Variants in ROR1 observed in about 807,000 individuals in gnomAD.
ROR1 encodes ROR family WNT receptor 1.
ROR1 carries 19 observed loss-of-function variants against 78.8 expected under a neutral mutation model. That is an observed-to-expected ratio of 0.24 (90% CI 0.17 to 0.35). The LOEUF (loss-of-function observed/expected upper bound fraction) is 0.35, where lower values mean the gene tolerates loss of function less well. Ranked by LOEUF, ROR1 falls within the 10% of genes least tolerant of loss-of-function variation. The pLI, the probability that ROR1 is intolerant of heterozygous loss-of-function variation, is 1.00. For missense variants in ROR1, 917 were observed against 1,177.8 expected, an observed-to-expected ratio of 0.78 and a Z score of 3.24; for synonymous variants, 386 against 433.6, an observed-to-expected ratio of 0.89 and a Z score of 1.36.
intron 4 of ROR1, among the ~76,000 whole-genome samples, chr1:64,094,019 C>T (rs1647233224): frequency 6.6e-6 from 1 of 152,160 alleles, no homozygotes; most frequent in South Asian, 2.1e-4. Context: ...CTAGGCCTAT[C>T]AAATTTCAAA....
intron 4 of ROR1, among the ~76,000 whole-genome samples, chr1:64,115,985 G>A (rs556209761): frequency 7.9e-5 from 12 of 152,234 alleles, no homozygotes; most frequent in South Asian, 2.1e-4. Flanking sequence ...ATAAAGTGCC[G>A]GATCATGAAA....
At chr1:64,135,628 G>A (rs984427459) in intron 4 of ROR1, among the ~76,000 whole-genome samples, 9 of 152,142 alleles carry the variant, frequency 5.9e-5, no homozygotes, top group Admixed American at 2.0e-4. Flanking sequence ...CCCAATAAAA[G>A]TTGGGTTAAT....
At position 64,007,377 on chromosome 1, in the gene ROR1, AGTGTGTGTGTGTGTGT is replaced by A. The variant is rs59753220; in HGVS notation, c.92-1911_92-1896del. On this transcript the variant is annotated intron_variant, in intron 1 of 8. Coordinates refer to ENST00000371079, the MANE Select transcript of ROR1 (RefSeq NM_005012.4). ...CCTAATATTCTCTAGTAATGTTCTG[AGTGTGTGTGTGTGTGT>A]GTGTGTGTGTGTGTGTAGACATAGC... Among the ~76,000 whole-genome samples, 47 of 146,026 alleles carry A rather than the reference AGTGTGTGTGTGTGTGT, an allele frequency of 3.2e-4. No homozygotes were observed. The East Asian group carries it at 9.1e-3, about 28-fold the overall frequency.
chr1:64,042,900 T>G (rs756847399), intron 2 of ROR1, among the ~76,000 whole-genome samples: 61 of 152,368 alleles, frequency 4.0e-4, no homozygotes, highest in African/African-American at 1.4e-3. Context: ...ATGACCTAAC[T>G]GTGTTTGGCA....
At chr1:63,860,724 G>A (rs528401478) in intron 1 of ROR1, among the ~76,000 whole-genome samples, 261 of 145,936 alleles carry the variant, frequency 1.8e-3, no homozygotes, top group Non-Finnish European at 2.7e-3. Context: ...AGCAGAGATC[G>A]CACCACTGCA....
Position 63,959,913 on chromosome 1 carries a change from GC to G in ROR1, c.92-49389del, listed in dbSNP as rs201986745. Among the ~76,000 whole-genome samples the G allele has an allele frequency of 8.0e-3, 1,222 of 152,292 alleles. 7 individuals carry two copies. Among genetic ancestry groups the G allele is most frequent in the Non-Finnish European group, 0.012 (797 of 68,036 alleles). On this transcript the variant is annotated intron_variant, in intron 1 of 8. Coordinates refer to ENST00000371079, the MANE Select transcript of ROR1 (RefSeq NM_005012.4). ...TCCTCATCCCTTCACTTCTTCTGCA[GC>G]CCATTCCCAGCGTTCTCTGCTCATT...
In ROR1 at chr1:64,176,647, A is replaced by G. The variant is rs559845044; in HGVS notation, c.1387-781A>G. The stretch of plus-strand genomic sequence containing the variant: ...ATTCACAGTAAAGGCAAAAGAGTCT[A>G]GCAAAGAAATGACCATAGTGGTCAG... On this transcript the variant is annotated intron_variant, in intron 8 of 8. Coordinates refer to ENST00000371079, the MANE Select transcript of ROR1 (RefSeq NM_005012.4). Among the ~76,000 whole-genome samples, 7 of 152,332 alleles carry G rather than the reference A, an allele frequency of 4.6e-5. No homozygotes were observed. The South Asian group carries it at 1.4e-3, about 32-fold the overall frequency.
intron 4 of ROR1, among the ~76,000 whole-genome samples, chr1:64,116,584 T>C (rs2100681593): frequency 6.6e-6 from 1 of 152,342 alleles, no homozygotes; most frequent in South Asian, 2.1e-4. Flanking sequence ...AGAAGGAATC[T>C]ATTAGATAAC....
intron 1 of ROR1, among the ~76,000 whole-genome samples, chr1:63,950,545 A>C (rs1241712295): frequency 6.6e-6 from 1 of 152,182 alleles, no homozygotes; most frequent in Non-Finnish European, 1.5e-5. Context: ...TTTTAGTAGC[A>C]GGGTTTTTGT....
intron 8 of ROR1, among the ~76,000 whole-genome samples, chr1:64,159,421 T>G (rs6659837): frequency 0.33 from 50,209 of 152,018 alleles, 8,710 homozygotes; most frequent in Middle Eastern, 0.42. Flanking sequence ...TGCCTTGCCA[T>G]AGAGTCATTG....
intron 4 of ROR1, among the ~76,000 whole-genome samples, chr1:64,125,267 G>A (rs1398959899): frequency 1.3e-5 from 2 of 152,170 alleles, no homozygotes; most frequent in African/African-American, 4.8e-5. Context: ...AAAACATGGG[G>A]TAATTGCTTC....
chr1:64,128,330 A>T (rs934696377), intron 4 of ROR1, among the ~76,000 whole-genome samples: 8 of 150,982 alleles, frequency 5.3e-5, no homozygotes, highest in Non-Finnish European at 1.0e-4. Context: ...CTAGCCAAGC[A>T]TGGTGGCACA....
intron 1 of ROR1, among the ~76,000 whole-genome samples, chr1:63,831,040 G>A (rs1194168217): frequency 6.6e-6 from 1 of 152,226 alleles, no homozygotes; most frequent in Non-Finnish European, 1.5e-5. Flanking sequence ...TCCAGGGCAT[G>A]CTGATGCAAG....
chr1:64,045,336 A>G (rs976091488), intron 2 of ROR1, among the ~76,000 whole-genome samples: 2 of 142,228 alleles, frequency 1.4e-5, no homozygotes, highest in East Asian at 3.9e-4. Context: ...AATAATAAAA[A>G]AAAAATGCCA....
At chr1:63,803,248 A>G (rs1644807013) in intron 1 of ROR1, among the ~76,000 whole-genome samples, 1 of 152,212 alleles carries the variant, frequency 6.6e-6, no homozygotes, top group African/African-American at 2.4e-5. Flanking sequence ...GCTCCTAATA[A>G]TGACTCCAAA....
rs116666951 is a variant in ROR1 at position 64,134,002 on chromosome 1, A to G, written c.483-3367A>G. Among the ~76,000 whole-genome samples, 913 of 152,322 alleles carry G rather than the reference A, an allele frequency of 6.0e-3. 5 individuals are homozygous for G. The highest frequency in any genetic ancestry group is 0.021 in the African/African-American group (890 of 41,560). The stretch of plus-strand genomic sequence containing the variant: ...ACCTTTTACCACCCAGAATGCACCA[A>G]AGCTTCTCCACAGCAGAAAGCCCCT... On this transcript the variant is annotated intron_variant, in intron 4 of 8. Coordinates refer to ENST00000371079, the MANE Select transcript of ROR1 (RefSeq NM_005012.4).
chr1:64,073,844 A>G (rs571246266), intron 4 of ROR1, among the ~76,000 whole-genome samples: 1 of 152,118 alleles, frequency 6.6e-6, no homozygotes, highest in South Asian at 2.1e-4. Flanking sequence ...GGAAAAAAAA[A>G]TCCCCTGTGG....
At chr1:64,064,944 G>A (rs1043643930) in intron 4 of ROR1, among the ~76,000 whole-genome samples, 1 of 151,990 alleles carries the variant, frequency 6.6e-6, no homozygotes, top group Non-Finnish European at 1.5e-5. Flanking sequence ...TGGTATTTTT[G>A]TTTTCTATCT....
rs79691420 is a variant in ROR1, at chr1:63,996,423, G to A, written c.92-12882G>A. ...TGCAGGAAACCCAGTCCAGACAGGC[G>A]AAACATTTTAAACTGGTGCAATTTC... On this transcript the variant is annotated intron_variant, in intron 1 of 8. Coordinates refer to ENST00000371079, the MANE Select transcript of ROR1 (RefSeq NM_005012.4). Among the ~76,000 whole-genome samples the A allele has an allele frequency of 3.5e-3, 537 of 152,242 alleles. 7 individuals are homozygous for A. Among genetic ancestry groups the A allele is most frequent in the African/African-American group, 0.012 (504 of 41,554 alleles).
Sources: allele counts gnomAD v4.1 joint callset (sites outside exome capture counted in the v4.1 genomes callset), GRCh38; gene constraint gnomAD v4.1.1; transcripts MANE v1.5; gene names NCBI Gene and HGNC (gene_info 2026-07-23, HGNC 2026-07-21).